The following SLC24A4 variants were observed in gnomAD, a reference collection of about 807,000 sequenced individuals.
SLC24A4 encodes the protein sodium/potassium/calcium exchanger 4.
In SLC24A4, 53 loss-of-function variants were observed where a neutral mutation model predicts 79.0. The ratio of observed to expected loss-of-function variants is 0.67; its 90% CI spans 0.54 to 0.84. The LOEUF (loss-of-function observed/expected upper bound fraction) is 0.84, where lower values mean the gene tolerates loss of function less well. SLC24A4 is among the 40% of genes least tolerant of loss of function. The pLI, the probability that SLC24A4 is intolerant of heterozygous loss-of-function variation, is 0.00. For synonymous variants in SLC24A4, 323 were observed against 323.8 expected, an observed-to-expected ratio of 1.00 and a Z score of 0.03; for missense variants, 731 against 822.0, an observed-to-expected ratio of 0.89 and a Z score of 1.35.
chr14:92,324,018 C>A, intron 1 of SLC24A4, 58 bp downstream of exon 1: 1 of 1,566,250 alleles, frequency 6.4e-7, no homozygotes, highest in South Asian at 1.2e-5. Context: ...GCTGGGGAGT[C>A]TCGGGGCGGC....
intron 2 of SLC24A4, among the ~76,000 whole-genome samples, chr14:92,351,236 G>GCGCGCACACACACACACACACACA (rs112120101): frequency 0.021 from 3,107 of 146,930 alleles, 47 homozygotes; most frequent in Admixed American, 0.032. Context: ...ACACATACAC[G>GCGCGCACACACACACACACACACA]CACACACACA....
chr14:92,482,809 TG>T lies in SLC24A4; in HGVS notation c.1386del (p.Trp463GlyfsTer13). The T allele has an allele frequency of 6.2e-7, 1 of 1,613,720 alleles. No homozygotes were observed. The highest frequency in any genetic ancestry group is 8.5e-7 in the Non-Finnish European group (1 of 1,179,722). Reference protein sequence around the residue: ...FFMVTFITATLWIAVFSYIMV... With the variant: ...FFMVTFITATXWIAVFSYIMV... The stretch of plus-strand genomic sequence containing the variant: ...ATGGTCACCTTCATCACCGCCACGC[TG>T]TGGATCGCTGTGTTCTCCTACATCA... On this transcript the variant is annotated frameshift_variant, in exon 13 of 17. Coordinates refer to ENST00000532405, the MANE Select transcript of SLC24A4 (RefSeq NM_153646.4). LOFTEE classifies it high-confidence loss of function.
chr14:92,482,657 C>T, intron 12 of SLC24A4, 23 bp from the exon 13 acceptor site: 10 of 1,581,266 alleles, frequency 6.3e-6, no homozygotes, highest in Non-Finnish European at 8.6e-6. Flanking sequence ...CCTCCTTTCT[C>T]ACTCTGCCCC....
chr14:92,491,975 C>G (rs939496912), intron 15 of SLC24A4, among the ~76,000 whole-genome samples, 198 bp downstream of exon 15: 1 of 152,150 alleles, frequency 6.6e-6, no homozygotes, highest in Admixed American at 6.5e-5. Context: ...GTGCCTCTCC[C>G]CATCCCAGGC....
chr14:92,388,631 C>T (rs377681922), intron 2 of SLC24A4, among the ~76,000 whole-genome samples: 4 of 152,310 alleles, frequency 2.6e-5, no homozygotes, highest in Middle Eastern at 3.4e-3. Context: ...GGCAGGAGGC[C>T]GTGCCTCCTG....
intron 2 of SLC24A4, among the ~76,000 whole-genome samples, chr14:92,348,773 C>G (rs1397514526): frequency 1.3e-5 from 2 of 152,172 alleles, no homozygotes. Flanking sequence ...GGGAAAATCC[C>G]TTTGAAGCAA....
chr14:92,484,663 G>T (rs544387523), intron 13 of SLC24A4: 1 of 985,354 alleles, frequency 1.0e-6, no homozygotes, highest in Non-Finnish European at 1.2e-6. Flanking sequence ...CCCTGGCCTT[G>T]GTTCAGCTAA....
At chr14:92,482,946 C>A in intron 13 of SLC24A4, 100 bp downstream of exon 13, 4 of 1,220,100 alleles carry the variant, frequency 3.3e-6, no homozygotes, top group Non-Finnish European at 4.5e-6. Flanking sequence ...CACCTTTGGG[C>A]GAGTCACTGG....
At chr14:92,471,580 C>A (rs1231518310) in intron 12 of SLC24A4, among the ~76,000 whole-genome samples, 1 of 152,118 alleles carries the variant, frequency 6.6e-6, no homozygotes, top group Non-Finnish European at 1.5e-5. Context: ...CAACCCAGGG[C>A]CTATGTAACC....
intron 2 of SLC24A4, among the ~76,000 whole-genome samples, chr14:92,341,361 A>G (rs1285485026): frequency 6.6e-6 from 1 of 152,196 alleles, no homozygotes; most frequent in African/African-American, 2.4e-5. Flanking sequence ...AGAACAGGAC[A>G]TGAGGGTCAC....
chr14:92,418,949 A>T (rs571137171), intron 2 of SLC24A4, among the ~76,000 whole-genome samples: 2 of 152,110 alleles, frequency 1.3e-5, no homozygotes, highest in African/African-American at 4.8e-5. Context: ...TGATCCACCC[A>T]CCTTGGCCTC....
In SLC24A4 at chr14:92,357,601, A is replaced by G. The variant is rs373545963; in HGVS notation, c.241+31623A>G. Among the ~76,000 whole-genome samples the G allele has an allele frequency of 1.4e-4, 21 of 152,376 alleles. No homozygotes were observed. In the East Asian group the frequency reaches 3.1e-3, roughly 22 times the overall value. On this transcript the variant is annotated intron_variant, in intron 2 of 16. Transcript: ENST00000532405. ...TGAACTAAGCCAGTCACAAAAGGAC[A>G]AATAGTGTATGACTCCACTGATATG...
chr14:92,427,411 C>A (rs779949482), intron 2 of SLC24A4, among the ~76,000 whole-genome samples: 5 of 152,244 alleles, frequency 3.3e-5, no homozygotes, highest in Non-Finnish European at 5.9e-5. Flanking sequence ...CAGGGCCAGA[C>A]CGTGCAGGGC....
chr14:92,453,634 C>T (rs994220636), intron 10 of SLC24A4: 10 of 390,724 alleles, frequency 2.6e-5, no homozygotes, highest in Middle Eastern at 6.2e-4. Flanking sequence ...AGAAGAGAGG[C>T]GAAAAGAGCA....
rs748745014 is a variant in SLC24A4, at chr14:92,495,822, T to G, written c.*2194T>G. 2 of 152,226 alleles carry G rather than the reference T, an allele frequency of 1.3e-5. No individual in the cohort carries two copies. The highest frequency in any genetic ancestry group is 2.9e-5 in the Non-Finnish European group (2 of 68,048). 9.4% of individuals were successfully genotyped at this position (152,226 alleles called of 1,614,324 possible). A position where few individuals can be genotyped will look rare whatever the true frequency, so the allele number is the denominator to read the frequency against. On this transcript the variant is annotated 3_prime_UTR_variant, in exon 17 of 17. Transcript: ENST00000532405. ...AGTGAGTGTGGGTATGACTTTACCC[T>G]CCTGGTTGGTTCTTACTGTTTGAGT...
intron 2 of SLC24A4, among the ~76,000 whole-genome samples, chr14:92,333,475 A>G (rs1005090093): frequency 5.9e-5 from 9 of 152,204 alleles, no homozygotes; most frequent in Admixed American, 3.3e-4. Flanking sequence ...CCTGTGCCCC[A>G]TGTTAAAAAA....
intron 2 of SLC24A4, among the ~76,000 whole-genome samples, chr14:92,393,380 T>A (rs963283468): frequency 5.9e-5 from 9 of 152,024 alleles, no homozygotes. Flanking sequence ...TGCGTGGAGG[T>A]CCTGGGAGTT....
intron 2 of SLC24A4, among the ~76,000 whole-genome samples, chr14:92,393,058 A>G (rs1188650910): frequency 6.6e-6 from 1 of 152,264 alleles, no homozygotes; most frequent in Non-Finnish European, 1.5e-5. Context: ...GGGAGGCGCC[A>G]TCTATGAGGG....
chr14:92,325,806 C>CATTTTGGAA lies in SLC24A4; in HGVS notation c.131-60_131-52dup, dbSNP rs1595117069. 6.1e-6 allele frequency: 6 copies of CATTTTGGAA among 989,144 alleles called. No individual in the cohort carries two copies. The East Asian group carries it at 1.5e-4, about 25-fold the overall frequency. The allele number at this position is 989,144 out of a possible 1,614,324, so 61.3% of individuals were successfully genotyped here. ...TGACATAGACACACAAATGTAAGGT[C>CATTTTGGAA]ATTTTGGAAACGCAGCCATCACACT... is the stretch of plus-strand genomic sequence containing the variant. On this transcript the variant is annotated intron_variant, in intron 1 of 16. Transcript: ENST00000532405.
Sources: allele counts gnomAD v4.1 joint callset (sites outside exome capture counted in the v4.1 genomes callset), GRCh38; gene constraint gnomAD v4.1.1; transcripts MANE v1.5; gene names NCBI Gene and HGNC (gene_info 2026-07-23, HGNC 2026-07-21).